Variants in ADGRL3 observed in about 807,000 individuals in gnomAD.
The protein encoded by ADGRL3 is adhesion G protein-coupled receptor L3.
In ADGRL3, 62 loss-of-function variants were observed where a neutral mutation model predicts 153.5. The observed-to-expected ratio is 0.40, with a 90% CI of 0.33 to 0.50. ADGRL3 has a LOEUF of 0.50. Ranked by LOEUF, ADGRL3 falls within the 20% of genes least tolerant of loss-of-function variation. The probability of loss-of-function intolerance (pLI) is 0.47; values close to 1 mark genes in which losing one functional copy is unlikely to be tolerated. For synonymous variants in ADGRL3, 710 were observed against 672.5 expected (o/e 1.06, Z -0.86); for missense variants, 1,641 against 1,859.4 (o/e 0.88, Z 2.16).
At chr4:61,432,568 CTCTTCCTTTCTTTCTTTCTT>C (rs1180867458) in intron 2 of ADGRL3, among the ~76,000 whole-genome samples, 662 of 38,374 alleles carry the variant, frequency 0.017, 142 homozygotes, top group Middle Eastern at 0.071. Context: ...TCTTTTCTTT[CTCTTCCTTTCTTTCTTTCTT>C]TCTTTCTTTC....
intron 1 of ADGRL3, among the ~76,000 whole-genome samples, chr4:61,219,154 A>G (rs1744231522): frequency 1.3e-5 from 2 of 152,110 alleles, no homozygotes; most frequent in African/African-American, 2.4e-5. Flanking sequence ...CATAGTACCC[A>G]TTTTGACTAT....
chr4:62,044,963 A>T (rs928592683), intron 25 of ADGRL3, among the ~76,000 whole-genome samples: 1 of 152,098 alleles, frequency 6.6e-6, no homozygotes, highest in Non-Finnish European at 1.5e-5. Context: ...ATACATACTT[A>T]AGGCAACCTG....
At position 61,934,921 on chromosome 4, in the gene ADGRL3, C is replaced by T. The variant is rs755969418; in HGVS notation, c.2194C>T (p.Arg732Cys). Residue 732 changes from arginine (R) to cysteine (C), a missense_variant, in exon 14 of 27, where the codon CGT becomes TGT. Physicochemically the swap from Arg to Cys is radical, Grantham distance 180. Coordinates refer to ENST00000683033, the MANE Select transcript of ADGRL3 (RefSeq NM_001387552.1). ...AGACCTGACTACGAGTGATCAGCTG[C>T]GTGCGGCCACCATGTTGCTTCATAC... ...WRDLTTSDQL[R>C]AATMLLHTVE... The T allele has an allele frequency of 2.1e-5, 34 of 1,613,674 alleles. No homozygotes were observed. Among genetic ancestry groups the T allele is most frequent in the Middle Eastern group, 1.6e-4 (1 of 6,084 alleles).
chr4:61,259,271 AAAT>A (rs1253622863), intron 1 of ADGRL3, among the ~76,000 whole-genome samples: 4 of 151,976 alleles, frequency 2.6e-5, no homozygotes, highest in African/African-American at 4.8e-5. Context: ...AAAATATAAA[AAAT>A]TAGCCGGGCG....
intron 21 of ADGRL3, among the ~76,000 whole-genome samples, chr4:62,027,969 G>A (rs981630508): frequency 1.2e-4 from 18 of 151,780 alleles, no homozygotes; most frequent in Non-Finnish European, 2.7e-4. Flanking sequence ...TCATTCTGGA[G>A]AGTGAGTTTT....
chr4:61,456,488 G>T (rs529243792), intron 2 of ADGRL3, among the ~76,000 whole-genome samples: 16 of 52,986 alleles, frequency 3.0e-4, no homozygotes, highest in African/African-American at 7.0e-4. Flanking sequence ...TATATATATA[G>T]ATATATCTAT....
chr4:61,840,279 C>T (rs1376110278), intron 9 of ADGRL3, among the ~76,000 whole-genome samples: 1 of 151,896 alleles, frequency 6.6e-6, no homozygotes, highest in Non-Finnish European at 1.5e-5. Flanking sequence ...GGTGTTTCAC[C>T]AGGTTGGCCA....
At chr4:61,277,945 C>A (rs1401306431) in intron 1 of ADGRL3, among the ~76,000 whole-genome samples, 3 of 152,168 alleles carry the variant, frequency 2.0e-5, no homozygotes, top group African/African-American at 7.2e-5. Flanking sequence ...GACCTAATCC[C>A]ATGAGGGAAG....
intron 2 of ADGRL3, among the ~76,000 whole-genome samples, chr4:61,422,563 G>A (rs1292496760): frequency 2.0e-5 from 3 of 152,022 alleles, no homozygotes; most frequent in East Asian, 1.9e-4. Context: ...TTCTGTAAAC[G>A]TGATAAAACC....
At chr4:61,682,391 C>A (rs575956994) in intron 6 of ADGRL3, among the ~76,000 whole-genome samples, 2 of 151,840 alleles carry the variant, frequency 1.3e-5, no homozygotes, top group African/African-American at 2.4e-5. Flanking sequence ...TTCACAGAAT[C>A]TTTTATATAA....
intron 4 of ADGRL3, among the ~76,000 whole-genome samples, chr4:61,586,430 C>T (rs1451086011): frequency 6.6e-6 from 1 of 151,816 alleles, no homozygotes; most frequent in Non-Finnish European, 1.5e-5. Context: ...AAACAATATC[C>T]AGATATGGAA....
intron 1 of ADGRL3, among the ~76,000 whole-genome samples, chr4:61,296,161 A>G (rs572420845): frequency 6.6e-6 from 1 of 152,294 alleles, no homozygotes; most frequent in African/African-American, 2.4e-5. Flanking sequence ...AATTTTTTGG[A>G]TAAGAAACAA....
chr4:61,880,919 T>C (rs929918012), intron 9 of ADGRL3, among the ~76,000 whole-genome samples: 1 of 152,182 alleles, frequency 6.6e-6, no homozygotes, highest in African/African-American at 2.4e-5. Context: ...AGTCAAGCTT[T>C]AACTCTACAA....
Position 61,554,140 on chromosome 4 carries a change from G to A in ADGRL3, c.260-33087G>A, listed in dbSNP as rs1269561728. ...ACATTTTAAATATTGGATCCTATTTGCTTATAAAAAATGTCTCTCCTAACT... is the reference window on the plus strand; with the variant it reads ...ACATTTTAAATATTGGATCCTATTTACTTATAAAAAATGTCTCTCCTAACT... On this transcript the variant is annotated intron_variant, in intron 4 of 26. Transcript: ENST00000683033. Among the ~76,000 whole-genome samples the A allele has an allele frequency of 6.3e-5, 9 of 142,066 alleles. No homozygotes were observed. In the South Asian group the frequency reaches 1.8e-3, roughly 29 times the overall value. The allele number at this position is 142,066 out of a possible 152,430, so 93.2% of individuals were successfully genotyped here.
intron 17 of ADGRL3, among the ~76,000 whole-genome samples, chr4:61,961,469 C>T (rs566953748): frequency 6.6e-6 from 1 of 152,288 alleles, no homozygotes; most frequent in East Asian, 1.9e-4. Flanking sequence ...TGTGCATTTC[C>T]TGTTATAAAA....
intron 9 of ADGRL3, among the ~76,000 whole-genome samples, chr4:61,871,011 G>T (rs1233120681): frequency 6.6e-6 from 1 of 152,164 alleles, no homozygotes; most frequent in Non-Finnish European, 1.5e-5. Context: ...GGGCACGGTG[G>T]CTCATGCCTG....
chr4:61,886,255 T>A (rs1342474165), intron 9 of ADGRL3, among the ~76,000 whole-genome samples: 2 of 152,156 alleles, frequency 1.3e-5, no homozygotes, highest in African/African-American at 4.8e-5. Flanking sequence ...CTGATAGCCA[T>A]GGGGTCTCAG....
chr4:61,517,839 A>G (rs1365820906), intron 4 of ADGRL3, among the ~76,000 whole-genome samples: 1 of 152,170 alleles, frequency 6.6e-6, no homozygotes, highest in Non-Finnish European at 1.5e-5. Flanking sequence ...GTAAAATTTG[A>G]AAGGCTGTAT....
At chr4:61,450,280 A>G (rs2097658187) in intron 2 of ADGRL3, among the ~76,000 whole-genome samples, 1 of 152,222 alleles carries the variant, frequency 6.6e-6, no homozygotes. Flanking sequence ...CCCTGAAATT[A>G]TAAGACCAAA....
Sources: gnomAD v4.1 joint callset for allele counts (sites outside exome capture counted in the v4.1 genomes callset) on GRCh38, gnomAD v4.1.1 for gene constraint, MANE v1.5 for transcripts, NCBI Gene and HGNC (gene_info 2026-07-23, HGNC 2026-07-21) for gene names.